The following NUP88 variants were observed in gnomAD, a reference collection of about 807,000 sequenced individuals.
The protein encoded by NUP88 is nuclear pore complex protein Nup88.
NUP88 carries 57 observed loss-of-function variants against 93.9 expected under a neutral mutation model. The ratio of observed to expected loss-of-function variants is 0.61; its 90% CI spans 0.49 to 0.76. The LOEUF (loss-of-function observed/expected upper bound fraction) is 0.76. Among genes scored for constraint, NUP88 ranks in the 30% least tolerant of loss-of-function variants. The pLI is 0.00. For missense variants in NUP88, 911 were observed against 901.0 expected (o/e 1.01, Z -0.14); for synonymous variants, 346 against 336.8 (o/e 1.03, Z -0.30).
chr17:5,387,889 G>C lies in NUP88; in HGVS notation c.1659C>G (p.Asp553Glu), dbSNP rs989679151. 4 of 1,613,280 alleles carry C rather than the reference G, an allele frequency of 2.5e-6. No homozygotes were observed. The African/African-American group carries it at 5.3e-5, about 22-fold the overall frequency. Residue 553 changes from aspartate (D) to glutamate (E), a missense_variant, in exon 12 of 17, where the codon GAC (aspartate) becomes GAG (glutamate). By Grantham distance (45) the Asp-to-Glu change is conservative. Coordinates refer to ENST00000573584, the MANE Select transcript of NUP88 (RefSeq NM_002532.6). The part of the protein sequence containing the change: ...NPAFLKASEK[D>E]IAPPPEECLQ... Reference sequence around the variant, plus strand: ...GGCATTCTTCAGGAGGAGGGGCTATGTCCTTTTCAGAAGCTCTTAAAAACA... The same window carrying C: ...GGCATTCTTCAGGAGGAGGGGCTATCTCCTTTTCAGAAGCTCTTAAAAACA...
chr17:5,392,208 T>C (rs1806239), intron 9 of NUP88, among the ~76,000 whole-genome samples: 66,418 of 152,036 alleles, frequency 0.44, 15,280 homozygotes, highest in East Asian at 0.84. Context: ...CCCACCTGCA[T>C]GCCTACAACA....
At chr17:5,395,590 C>T (rs537588887) in intron 8 of NUP88, among the ~76,000 whole-genome samples, 1 of 151,702 alleles carries the variant, frequency 6.6e-6, no homozygotes, top group Non-Finnish European at 1.5e-5. Context: ...GCGCAGTGGC[C>T]CAATCTCTGC....
rs560610645 is a variant in NUP88, at chr17:5,414,755, C to T, written c.468-621G>A. ...CCAACATGGTAAAACCCCGTCTCCACTAAAAATACAAGAATTAGGCAAGTG... is the reference window on the plus strand; with the variant it reads ...CCAACATGGTAAAACCCCGTCTCCATTAAAAATACAAGAATTAGGCAAGTG... On this transcript the variant is annotated intron_variant, in intron 2 of 16. Coordinates refer to ENST00000573584, the MANE Select transcript of NUP88 (RefSeq NM_002532.6). Among the ~76,000 whole-genome samples, 4 of 151,418 alleles carry T rather than the reference C, an allele frequency of 2.6e-5. No individual in the cohort carries two copies. The South Asian group carries it at 8.4e-4, about 32-fold the overall frequency.
At chr17:5,410,905 ATT>A in intron 3 of NUP88, 116 bp from the exon 4 acceptor site, 1 of 688,710 alleles carries the variant, frequency 1.5e-6, no homozygotes, top group South Asian at 1.7e-5. Flanking sequence ...TATCACAACT[ATT>A]TCTTTGCAAA....
At chr17:5,391,359 G>A in intron 10 of NUP88, 1 of 518,970 alleles carries the variant, frequency 1.9e-6, no homozygotes, top group Admixed American at 3.3e-5. Flanking sequence ...CTAGGTGCAG[G>A]GGATGCCAGA....
At chr17:5,409,374 CAAAAAAA>C (rs10611297) in intron 4 of NUP88, among the ~76,000 whole-genome samples, 2 of 99,824 alleles carry the variant, frequency 2.0e-5, no homozygotes, top group Non-Finnish European at 4.2e-5. Flanking sequence ...AACTCCGTCT[CAAAAAAA>C]AAAAAAAAAA....
intron 11 of NUP88, chr17:5,388,535 G>A (rs1026346889): frequency 1.0e-5 from 3 of 286,760 alleles, no homozygotes; most frequent in East Asian, 6.8e-5. Flanking sequence ...CGATTCACCC[G>A]TCTTGGTCTC....
intron 8 of NUP88, among the ~76,000 whole-genome samples, chr17:5,397,888 CT>C (rs1054464990): frequency 2.0e-5 from 3 of 151,690 alleles, no homozygotes; most frequent in African/African-American, 2.4e-5. Flanking sequence ...GGTATTAATT[CT>C]TTTTTTTAAT....
intron 6 of NUP88, 133 bp from the exon 7 acceptor site, chr17:5,404,379 G>A (rs1039606513): frequency 8.0e-6 from 6 of 746,196 alleles, no homozygotes; most frequent in South Asian, 5.5e-5. Context: ...TTGGGAGGCC[G>A]AGGCAGGTGG....
rs563564141 is a variant in NUP88 at position 5,405,169 on chromosome 17, G to A, written c.932C>T (p.Ala311Val). Residue 311 changes from alanine to valine, a missense_variant, in exon 6 of 17, where the codon GCG (alanine) becomes GTG (valine). Physicochemically the swap from Ala to Val is moderately conservative, Grantham distance 64. Coordinates refer to ENST00000573584, the MANE Select transcript of NUP88 (RefSeq NM_002532.6). ...ACAGGGTAAGCAGAGTACAGCACAC[G>A]CATCATAACCATAGTTATCTTCAGC... Reference protein sequence around the residue: ...PAAEDNYGYDACAVLCLPCVP... With the variant: ...PAAEDNYGYDVCAVLCLPCVP... The A allele has an allele frequency of 9.9e-6, 16 of 1,614,122 alleles. No individual in the cohort carries two copies. The highest frequency in any genetic ancestry group is 5.0e-5 in the Admixed American group (3 of 60,016).
At chr17:5,409,145 G>GA (rs1913673774) in intron 4 of NUP88, among the ~76,000 whole-genome samples, 2 of 152,086 alleles carry the variant, frequency 1.3e-5, no homozygotes, top group Non-Finnish European at 2.9e-5. Flanking sequence ...AGGCCGAGGT[G>GA]GGTGGATCAC....
chr17:5,389,367 TTTC>T lies in NUP88; in HGVS notation c.1485-410_1485-408del, dbSNP rs1912262447. On this transcript the variant is annotated intron_variant, in intron 10 of 16. Transcript: ENST00000573584. ...TATATACCATATTGGTTCTATATAA[TTTC>T]ATTTCTAAAAACTATTCAGTCAAGT... Among the ~76,000 whole-genome samples, 3 of 152,226 alleles carry T rather than the reference TTTC, an allele frequency of 2.0e-5. No homozygotes were observed. The South Asian group carries it at 6.2e-4, about 31-fold the overall frequency.
chr17:5,399,247 T>C (rs1912995811), intron 8 of NUP88, among the ~76,000 whole-genome samples: 1 of 83,026 alleles, frequency 1.2e-5, no homozygotes, highest in East Asian at 3.6e-4. Flanking sequence ...GAGTCAGTTT[T>C]GGTAGTTTTT....
intron 16 of NUP88, among the ~76,000 whole-genome samples, 190 bp downstream of exon 16, chr17:5,386,518 G>A (rs1462326143): frequency 2.0e-5 from 3 of 146,888 alleles, no homozygotes; most frequent in Non-Finnish European, 4.5e-5. Flanking sequence ...CATGTTACTA[G>A]AAGGTCATCC....
intron 16 of NUP88, 151 bp downstream of exon 16, chr17:5,386,557 T>G (rs1244216262): frequency 1.4e-6 from 1 of 692,164 alleles, no homozygotes; most frequent in African/African-American, 1.8e-5. Flanking sequence ...TAGTCATTTC[T>G]TAAGTCCCTA....
intron 9 of NUP88, 88 bp downstream of exon 9, chr17:5,394,803 G>T: frequency 1.2e-6 from 1 of 865,296 alleles, no homozygotes; most frequent in Non-Finnish European, 2.0e-6. Context: ...AGTGAATACT[G>T]TGGATGTGAG....
chr17:5,412,446 T>C (rs191383700), intron 3 of NUP88, among the ~76,000 whole-genome samples: 9 of 152,204 alleles, frequency 5.9e-5, no homozygotes, highest in Admixed American at 3.9e-4. Context: ...CGAAAAAACA[T>C]AGCAATACAC....
chr17:5,419,380 C>A lies in NUP88; in HGVS notation c.271G>T (p.Glu91Ter), dbSNP rs1914445801. 6.3e-7 allele frequency: 1 copy of A among 1,599,602 alleles called. No individual in the cohort carries two copies. The highest frequency in any genetic ancestry group is 8.5e-7 in the Non-Finnish European group (1 of 1,173,772). ...TGGTACTGGGACAGGGCGGGCTCTT[C>A]GCCGCCGCCGCTGGGGCCCCGAAGG... is the stretch of plus-strand genomic sequence containing the variant. ...VRLRGPSGGG[E>*]EPALSQYQRL... The change falls in exon 1 of 17, where the codon GAA becomes TAA. Residue 91 changes from glutamate (E) to a stop codon, truncating the protein, a stop_gained. Coordinates refer to ENST00000573584, the MANE Select transcript of NUP88 (RefSeq NM_002532.6). LOFTEE classifies it high-confidence loss of function.
At position 5,387,385 on chromosome 17, in the gene NUP88, C is replaced by A; in HGVS notation, c.1916+1G>T. 6.2e-7 allele frequency: 1 copy of A among 1,612,198 alleles called. No homozygotes were observed. ...AACTAAATGTTATACAGCCCACTGACCTGTTCATGATATCCTCTTGTTTTT... is the reference window on the plus strand; with the variant it reads ...AACTAAATGTTATACAGCCCACTGAACTGTTCATGATATCCTCTTGTTTTT... On this transcript the variant is annotated splice_donor_variant, in intron 14 of 16. Coordinates refer to ENST00000573584, the MANE Select transcript of NUP88 (RefSeq NM_002532.6). LOFTEE classifies it high-confidence loss of function.
Sources: gnomAD v4.1 joint callset for allele counts (sites outside exome capture counted in the v4.1 genomes callset) on GRCh38, gnomAD v4.1.1 for gene constraint, MANE v1.5 for transcripts, NCBI Gene and HGNC (gene_info 2026-07-23, HGNC 2026-07-21) for gene names.